ACVR1: variants seen among roughly 807,000 people sequenced by gnomAD.
ACVR1 encodes activin A receptor type 1.
ACVR1 carries 38 observed loss-of-function variants against 57.1 expected under a neutral mutation model. That is an observed-to-expected ratio of 0.67 (90% CI 0.51 to 0.87). The LOEUF (loss-of-function observed/expected upper bound fraction) is 0.87. ACVR1 is among the 40% of genes least tolerant of loss of function. The pLI is 0.00. For synonymous variants in ACVR1, 212 were observed against 228.1 expected, an observed-to-expected ratio of 0.93 and a Z score of 0.63; for missense variants, 463 against 638.2, an observed-to-expected ratio of 0.73 and a Z score of 2.96.
In ACVR1 at chr2:157,796,846, G is replaced by A. The variant is rs530557452; in HGVS notation, c.67+2581C>T. Among the ~76,000 whole-genome samples the A allele has an allele frequency of 8.5e-5, 13 of 152,110 alleles. 1 individual carries two copies. The South Asian group carries it at 2.5e-3, about 29-fold the overall frequency. On this transcript the variant is annotated intron_variant, in intron 3 of 10. Coordinates refer to ENST00000434821, the MANE Select transcript of ACVR1 (RefSeq NM_001111067.4). ...AGCTTTAATATAAGCCCATTTCCTCGTATTAATTCCTTCAACATTGCCACT... is the reference window on the plus strand; with the variant it reads ...AGCTTTAATATAAGCCCATTTCCTCATATTAATTCCTTCAACATTGCCACT...
At chr2:157,782,469 T>C (rs1268543617) in intron 3 of ACVR1, among the ~76,000 whole-genome samples, 6 of 152,258 alleles carry the variant, frequency 3.9e-5, no homozygotes, top group Admixed American at 2.0e-4. Flanking sequence ...TTATGTTCCT[T>C]GCCTGGAGAA....
At chr2:157,790,008 C>A (rs1399874466) in intron 3 of ACVR1, 3 of 152,302 alleles carry the variant, frequency 2.0e-5, no homozygotes, top group African/African-American at 7.2e-5. Flanking sequence ...TGTGGCCACC[C>A]ACTAACCACA....
intron 9 of ACVR1, among the ~76,000 whole-genome samples, chr2:157,759,685 A>T (rs1392451844): frequency 1.3e-5 from 2 of 152,176 alleles, no homozygotes; most frequent in Non-Finnish European, 2.9e-5. Flanking sequence ...CAGATGCAAA[A>T]ATCTTAAACA....
At chr2:157,865,318 T>C (rs1689875844) in intron 1 of ACVR1, among the ~76,000 whole-genome samples, 1 of 152,134 alleles carries the variant, frequency 6.6e-6, no homozygotes, top group Non-Finnish European at 1.5e-5. Context: ...AGCATTTGAG[T>C]CTTAAGGGTC....
At chr2:157,840,023 C>T (rs530105013) in intron 1 of ACVR1, among the ~76,000 whole-genome samples, 53 of 152,258 alleles carry the variant, frequency 3.5e-4, no homozygotes, top group African/African-American at 1.2e-3. Flanking sequence ...CAGGGTGTGA[C>T]GTGACCTGAG....
In ACVR1 at chr2:157,788,701, G is replaced by T. The variant is rs186038991; in HGVS notation, c.68-8101C>A. On this transcript the variant is annotated intron_variant, in intron 3 of 10. Coordinates refer to ENST00000434821, the MANE Select transcript of ACVR1 (RefSeq NM_001111067.4). ...AGGTTCAATACTATCTGTGGTTTCA[G>T]GCATCCACCGGGGGTCTTGGAATGT... Among the ~76,000 whole-genome samples the T allele has an allele frequency of 6.8e-4, 104 of 152,200 alleles. No homozygotes were observed. In the East Asian group the frequency reaches 0.018, roughly 27 times the overall value.
intron 6 of ACVR1, among the ~76,000 whole-genome samples, chr2:157,773,453 T>G (rs761369775): frequency 2.6e-5 from 4 of 152,230 alleles, no homozygotes; most frequent in Non-Finnish European, 4.4e-5. Flanking sequence ...GACTGCTACA[T>G]AATCTTCAAA....
chr2:157,870,516 G>A (rs2105388778), intron 1 of ACVR1, among the ~76,000 whole-genome samples: 1 of 152,254 alleles, frequency 6.6e-6, no homozygotes, highest in Non-Finnish European at 1.5e-5. Flanking sequence ...TTCCAAAGAG[G>A]TCACCTACAT....
At chr2:157,795,144 C>T (rs1687057970) in intron 3 of ACVR1, among the ~76,000 whole-genome samples, 1 of 152,030 alleles carries the variant, frequency 6.6e-6, no homozygotes, top group African/African-American at 2.4e-5. Flanking sequence ...AAATATGGGT[C>T]TATTTCCTTT....
chr2:157,775,104 AG>A (rs1030561152), intron 5 of ACVR1, among the ~76,000 whole-genome samples: 1 of 152,242 alleles, frequency 6.6e-6, no homozygotes, highest in African/African-American at 2.4e-5. Flanking sequence ...TGGTAAGCGC[AG>A]GCAGCAACGG....
chr2:157,844,161 C>A (rs1689059280), intron 1 of ACVR1, among the ~76,000 whole-genome samples: 3 of 152,184 alleles, frequency 2.0e-5, no homozygotes, highest in African/African-American at 7.2e-5. Context: ...GCATGGCCCT[C>A]CAACTGTGCT....
At chr2:157,786,480 A>G (rs1352928965) in intron 3 of ACVR1, among the ~76,000 whole-genome samples, 4 of 152,214 alleles carry the variant, frequency 2.6e-5, no homozygotes, top group African/African-American at 9.6e-5. Flanking sequence ...ATCTTAAGGC[A>G]GGGCTTAGTC....
chr2:157,795,588 C>T (rs916419396), intron 3 of ACVR1, among the ~76,000 whole-genome samples: 9 of 152,136 alleles, frequency 5.9e-5, no homozygotes, highest in African/African-American at 1.9e-4. Flanking sequence ...TACTTGTAAA[C>T]ATCCTAATGG....
chr2:157,853,878 G>A (rs1336588853), intron 1 of ACVR1, among the ~76,000 whole-genome samples: 1 of 152,080 alleles, frequency 6.6e-6, no homozygotes, highest in Non-Finnish European at 1.5e-5. Flanking sequence ...TACATTACCA[G>A]GCTAACTTCT....
chr2:157,826,610 C>T (rs1276846306), intron 1 of ACVR1: 6 of 132,334 alleles, frequency 4.5e-5, no homozygotes, highest in Non-Finnish European at 7.7e-5. Flanking sequence ...GCTATGGTCA[C>T]AGCACTGCAT....
intron 9 of ACVR1, among the ~76,000 whole-genome samples, chr2:157,752,270 A>G (rs1685231598): frequency 6.6e-6 from 1 of 152,200 alleles, no homozygotes; most frequent in Non-Finnish European, 1.5e-5. Context: ...GTACTACTAC[A>G]TAAAGAGAGC....
intron 1 of ACVR1, among the ~76,000 whole-genome samples, chr2:157,836,229 G>A (rs1339462469): frequency 6.6e-6 from 1 of 152,082 alleles, no homozygotes; most frequent in African/African-American, 2.4e-5. Flanking sequence ...ATACTTTTTT[G>A]GAAATGCCTA....
At chr2:157,814,800 T>C (rs1056419391) in intron 2 of ACVR1, among the ~76,000 whole-genome samples, 9 of 152,152 alleles carry the variant, frequency 5.9e-5, no homozygotes, top group African/African-American at 9.7e-5. Context: ...TAAAAATGAA[T>C]GCGCCCGACA....
At chr2:157,846,455 A>G (rs1022708519) in intron 1 of ACVR1, among the ~76,000 whole-genome samples, 6 of 152,242 alleles carry the variant, frequency 3.9e-5, no homozygotes, top group African/African-American at 1.4e-4. Context: ...TGGCTCACTC[A>G]AGCTCATCCC....
Sources: allele counts gnomAD v4.1 joint callset (sites outside exome capture counted in the v4.1 genomes callset), GRCh38; gene constraint gnomAD v4.1.1; transcripts MANE v1.5; gene names NCBI Gene and HGNC (gene_info 2026-07-23, HGNC 2026-07-21).